Variants in VCAN observed in about 807,000 individuals in gnomAD.
The protein encoded by VCAN is versican core protein.
VCAN carries 44 observed loss-of-function variants against 245.5 expected under a neutral mutation model. The ratio of observed to expected loss-of-function variants is 0.18; its 90% CI spans 0.14 to 0.23. The LOEUF (loss-of-function observed/expected upper bound fraction) is 0.23, where lower values mean the gene tolerates loss of function less well. VCAN is among the 10% of genes least tolerant of loss of function. VCAN has a pLI of 1.00. For missense variants in VCAN, 3,793 were observed against 4,057.9 expected, an observed-to-expected ratio of 0.93 and a Z score of 1.77; for synonymous variants, 1,413 against 1,437.0, an observed-to-expected ratio of 0.98 and a Z score of 0.38.
At chr5:83,536,669 T>A (rs1312528729) in intron 7 of VCAN, 1 of 174,404 alleles carries the variant, frequency 5.7e-6, no homozygotes, top group African/African-American at 2.4e-5. Flanking sequence ...ATTTTACTCT[T>A]TTTGCAGTTC....
At chr5:83,498,394 A>G (rs116580958) in intron 5 of VCAN, among the ~76,000 whole-genome samples, 4 of 152,358 alleles carry the variant, frequency 2.6e-5, no homozygotes, top group Non-Finnish European at 4.4e-5. Flanking sequence ...TAGGTGCTCC[A>G]TAGGTAGAGC....
At chr5:83,499,248 T>C (rs1439645801) in intron 5 of VCAN, among the ~76,000 whole-genome samples, 3 of 152,200 alleles carry the variant, frequency 2.0e-5, no homozygotes, top group Non-Finnish European at 4.4e-5. Context: ...TTCTGGTTTC[T>C]TTGTGTTCAT....
chr5:83,477,503 C>T (rs1291403184), intron 1 of VCAN, among the ~76,000 whole-genome samples: 1 of 151,750 alleles, frequency 6.6e-6, no homozygotes. Context: ...TAAGATGAAT[C>T]AAATATGAAA....
At position 83,520,251 on chromosome 5, in the gene VCAN, C is replaced by T; in HGVS notation, c.1945C>T (p.His649Tyr). 1.2e-6 allele frequency: 2 copies of T among 1,613,986 alleles called. No homozygotes were observed. The highest frequency in any genetic ancestry group is 1.7e-6 in the Non-Finnish European group (2 of 1,179,944). The change falls in exon 7 of 15, where the codon CAT (histidine) becomes TAT (tyrosine). Residue 649 changes from histidine to tyrosine, a missense_variant. By Grantham distance (83) the His-to-Tyr change is moderately conservative (BLOSUM62 2). Coordinates refer to ENST00000265077, the MANE Select transcript of VCAN (RefSeq NM_004385.5). ...YLSTTPFPSQ[H>Y]RTEIELFPYS... The stretch of plus-strand genomic sequence containing the variant: ...GTCTACTACACCTTTTCCATCACAG[C>T]ATCGTACAGAAATAGAATTGTTTCC...
chr5:83,531,139 G>T (rs78866706), intron 7 of VCAN, among the ~76,000 whole-genome samples: 2 of 152,120 alleles, frequency 1.3e-5, no homozygotes, highest in Non-Finnish European at 1.5e-5. Flanking sequence ...TATTAAAAAG[G>T]AGATTTTAAA....
chr5:83,550,895 A>AT (rs1747435603), intron 10 of VCAN, among the ~76,000 whole-genome samples: 1 of 147,944 alleles, frequency 6.8e-6, no homozygotes, highest in African/African-American at 2.5e-5. Context: ...CTCAAAAAAA[A>AT]AAAAAAAAAA....
Position 83,541,717 on chromosome 5 carries a change from G to T in VCAN, c.8714G>T (p.Gly2905Val). The change falls in exon 8 of 15, where the codon GGT becomes GTT. Residue 2905 changes from glycine (G) to valine (V), a missense_variant. This residue lies in a region of VCAN where 3,182 missense variants were observed against 3,250.3 expected (regional missense o/e 0.98). Coordinates refer to ENST00000265077, the MANE Select transcript of VCAN (RefSeq NM_004385.5). ...DTKLEPSEDD[G>V]KPELLEEMEA... is the part of the protein sequence containing the mutation. ...AAATTAGAACCTTCAGAAGATGATG[G>T]TAAACCTGAGTTATTAGAAGAAATG... The T allele has an allele frequency of 6.2e-7, 1 of 1,613,948 alleles. No individual in the cohort carries two copies.
chr5:83,504,986 A>G (rs1030711709), intron 5 of VCAN, among the ~76,000 whole-genome samples: 5 of 152,114 alleles, frequency 3.3e-5, no homozygotes, highest in African/African-American at 1.2e-4. Context: ...AGATCTCATG[A>G]GACTTATTAA....
intron 5 of VCAN, among the ~76,000 whole-genome samples, chr5:83,510,005 T>TAC (rs1745604067): frequency 6.6e-6 from 1 of 152,214 alleles, no homozygotes; most frequent in African/African-American, 2.4e-5. Context: ...TCTTATTGAA[T>TAC]ACATACTATG....
chr5:83,477,366 T>C (rs889448503), intron 1 of VCAN, among the ~76,000 whole-genome samples: 10 of 152,074 alleles, frequency 6.6e-5, no homozygotes, highest in African/African-American at 1.4e-4. Flanking sequence ...GTTACAGAAA[T>C]TGACTCCAAT....
intron 7 of VCAN, among the ~76,000 whole-genome samples, chr5:83,530,107 C>A (rs1477178378): frequency 6.6e-6 from 1 of 151,834 alleles, no homozygotes; most frequent in Non-Finnish European, 1.5e-5. Context: ...CAGCTGCAGC[C>A]CTTACTTAAA....
intron 5 of VCAN, among the ~76,000 whole-genome samples, chr5:83,500,817 A>G (rs1745308361): frequency 6.6e-6 from 1 of 152,192 alleles, no homozygotes; most frequent in Non-Finnish European, 1.5e-5. Flanking sequence ...ATTGCATTAC[A>G]GATTGGATTA....
chr5:83,565,390 GGTGTGTGTGTGTGTGTGT>G lies in VCAN; in HGVS notation c.9736-7007_9736-6990del, dbSNP rs6149088. On this transcript the variant is annotated intron_variant, in intron 12 of 14. Coordinates refer to ENST00000265077, the MANE Select transcript of VCAN (RefSeq NM_004385.5). The stretch of plus-strand genomic sequence containing the variant: ...TGCCAAGAAGTATTGTATGTGTAAG[GGTGTGTGTGTGTGTGTGT>G]GTGTGTGTGTGTGTGTGTATGTGTG... Among the ~76,000 whole-genome samples the G allele has an allele frequency of 1.4e-3, 206 of 149,238 alleles. 1 individual carries two copies. The highest frequency in any genetic ancestry group is 0.01 in the Middle Eastern group (3 of 292).
chr5:83,539,321 A>G lies in VCAN; in HGVS notation c.6318A>G (p.Val2106=), dbSNP rs777738084. 6.2e-7 allele frequency: 1 copy of G among 1,614,118 alleles called. No homozygotes were observed. Among genetic ancestry groups the G allele is most frequent in the South Asian group, 1.1e-5 (1 of 91,082 alleles). Residue 2106 remains valine (V), a synonymous_variant, in exon 8 of 15, where the codon GTA becomes GTG. Transcript: ENST00000265077. The part of the protein sequence containing the change: ...KLWSRQEVNP[V]RQEIESETTS... ...GGTCTAGGCAAGAAGTCAACCCTGT[A>G]AGACAAGAAATTGAAAGTGAAACAA... is the stretch of plus-strand genomic sequence containing the variant.
rs1456193725 is a variant in VCAN, at chr5:83,539,414, A to G, written c.6411A>G (p.Gln2137=). The change falls in exon 8 of 15, where the codon CAA becomes CAG. Residue 2137 remains glutamine, a synonymous_variant. Transcript: ENST00000265077. ...ESPQNSPATE[Q]TIFDSQTFTE... ...CTCAAAACTCTCCTGCAACAGAACA[A>G]ACAATCTTTGATTCACAGACATTTA... The G allele has an allele frequency of 2.5e-6, 4 of 1,613,786 alleles. No homozygotes were observed. The African/African-American group carries it at 5.3e-5, about 22-fold the overall frequency.
chr5:83,554,035 C>T (rs1344444475), intron 11 of VCAN, among the ~76,000 whole-genome samples: 1 of 152,208 alleles, frequency 6.6e-6, no homozygotes, highest in Non-Finnish European at 1.5e-5. Context: ...AAGTGAGCTA[C>T]ATCCTAAGAA....
chr5:83,547,556 C>G (rs536851589), intron 9 of VCAN, among the ~76,000 whole-genome samples: 1 of 152,202 alleles, frequency 6.6e-6, no homozygotes, highest in South Asian at 2.1e-4. Context: ...CAGTTAGATA[C>G]TTTGAGTAGT....
At chr5:83,529,281 CTG>C (rs1746427592) in intron 7 of VCAN, among the ~76,000 whole-genome samples, 1 of 147,778 alleles carries the variant, frequency 6.8e-6, no homozygotes, top group African/African-American at 2.5e-5. Flanking sequence ...AGGAGGCACT[CTG>C]TATCCACAAT....
In VCAN at chr5:83,545,562, G is replaced by A. The variant is rs375652154; in HGVS notation, c.9291G>A (p.Pro3097=). The A allele has an allele frequency of 4.6e-5, 74 of 1,614,040 alleles. No individual in the cohort carries two copies. In the Middle Eastern group the frequency reaches 9.9e-4, roughly 22 times the overall value. The change falls in exon 9 of 15, where the codon CCG becomes CCA. Residue 3097 remains proline (P), a synonymous_variant. Transcript: ENST00000265077. The part of the protein sequence containing the change: ...LPGPDRCKMN[P]CLNGGTCYPT... ...GACCTGATCGCTGCAAAATGAACCC[G>A]TGCCTTAACGGAGGCACCTGTTATC...
Sources: allele counts gnomAD v4.1 joint callset (sites outside exome capture counted in the v4.1 genomes callset), GRCh38; gene constraint gnomAD v4.1.1; regional missense constraint gnomAD v4.1.1; transcripts MANE v1.5; gene names NCBI Gene and HGNC (gene_info 2026-07-23, HGNC 2026-07-21).